Variants in ETV1 observed in about 807,000 individuals in gnomAD.
ETV1 encodes the protein ETS translocation variant 1.
ETV1 carries 27 observed loss-of-function variants against 62.3 expected under a neutral mutation model. The ratio of observed to expected loss-of-function variants is 0.43; its 90% CI spans 0.32 to 0.60. The LOEUF is 0.60. Ranked by LOEUF, ETV1 falls within the 20% of genes least tolerant of loss-of-function variation. ETV1 has a pLI of 0.06. For synonymous variants in ETV1, 222 were observed against 199.6 expected (o/e 1.11, Z -0.94); for missense variants, 605 against 605.8 (o/e 1.00, Z 0.01).
Position 13,893,733 on chromosome 7 carries a change from A to G in ETV1, c.*2133T>C, listed in dbSNP as rs771530691. On this transcript the variant is annotated 3_prime_UTR_variant, in exon 14 of 14. Transcript: ENST00000430479. ...CCTTCAATTTCACCAAATCTCAATT[A>G]TATATCTCAATTCCTTTTTCCAATA... is the stretch of plus-strand genomic sequence containing the variant. 8.6e-6 allele frequency: 2 copies of G among 232,834 alleles called. No individual in the cohort carries two copies. Among genetic ancestry groups the G allele is most frequent in the Admixed American group, 5.6e-5 (1 of 17,778 alleles). The allele number at this position is 232,834 out of a possible 1,614,324, so 14.4% of individuals were successfully genotyped here.
At chr7:13,988,920 C>G in intron 3 of ETV1, 88 bp downstream of exon 3, 1 of 1,481,248 alleles carries the variant, frequency 6.8e-7, no homozygotes, top group South Asian at 1.2e-5. Context: ...ATCCCAACCC[C>G]CGTGCCCCCT....
chr7:13,988,096 A>T lies in ETV1; in HGVS notation c.123T>A (p.His41Gln), dbSNP rs1334696169. The change falls in exon 4 of 14, where the codon CAT (histidine) becomes CAA (glutamine). Residue 41 changes from histidine (H) to glutamine (Q), a missense_variant. This residue lies in a region of ETV1 where 426 missense variants were observed against 377.8 expected (regional missense o/e 1.13). Transcript: ENST00000430479. ...KRKFINRDLA[H>Q]DSEELFQDLS... is the part of the protein sequence containing the mutation. ...AAAATCAAACCTCACCTTCTGAATCATGAGCCAGATCTCTGTTAATGAATT... is the reference window on the plus strand; with the variant it reads ...AAAATCAAACCTCACCTTCTGAATCTTGAGCCAGATCTCTGTTAATGAATT... The T allele has an allele frequency of 6.2e-7, 1 of 1,609,562 alleles. No individual in the cohort carries two copies. Among genetic ancestry groups the T allele is most frequent in the African/African-American group, 1.3e-5 (1 of 74,834 alleles).
At chr7:13,958,812 T>A (rs1789804674) in intron 6 of ETV1, 1 of 152,214 alleles carries the variant, frequency 6.6e-6, no homozygotes, top group Non-Finnish European at 1.5e-5. Flanking sequence ...TTATGAAGAT[T>A]GGCTGCATTA....
rs533234482 is a variant in ETV1 at position 13,943,108 on chromosome 7, A to G, written c.236-3862T>C. Among the ~76,000 whole-genome samples, 6 of 152,344 alleles carry G rather than the reference A, an allele frequency of 3.9e-5. No individual in the cohort carries two copies. In the East Asian group the frequency reaches 1.2e-3, roughly 29 times the overall value. The stretch of plus-strand genomic sequence containing the variant: ...GAAGAACTCATTTAACAAAATAAGA[A>G]TTGCAAAATATCAGTAAGACAAGAC... On this transcript the variant is annotated intron_variant, in intron 6 of 13. Coordinates refer to ENST00000430479, the MANE Select transcript of ETV1 (RefSeq NM_004956.5).
At chr7:13,962,248 G>A (rs78662154) in intron 6 of ETV1, among the ~76,000 whole-genome samples, 1,586 of 151,428 alleles carry the variant, frequency 0.01, 36 homozygotes, top group African/African-American at 0.037. Context: ...CACCCTAGGG[G>A]AGATAATATT....
At chr7:13,953,812 C>G (rs996062995) in intron 6 of ETV1, among the ~76,000 whole-genome samples, 1 of 152,038 alleles carries the variant, frequency 6.6e-6, no homozygotes, top group Non-Finnish European at 1.5e-5. Context: ...TAGTTTAGAA[C>G]AAAGTGGTAA....
chr7:13,970,236 G>A (rs1780738431), intron 6 of ETV1, among the ~76,000 whole-genome samples: 1 of 149,944 alleles, frequency 6.7e-6, no homozygotes, highest in Non-Finnish European at 1.5e-5. Context: ...ACTCCAGCCT[G>A]GGCGACAGAG....
At position 13,977,315 on chromosome 7, in the gene ETV1, G is replaced by A. The variant is rs1392213999; in HGVS notation, c.235+112C>T. On this transcript the variant is annotated intron_variant, in intron 6 of 13. Coordinates refer to ENST00000430479, the MANE Select transcript of ETV1 (RefSeq NM_004956.5). ...TCTTATGGCTGTAAGTTAAAAAGGT[G>A]CTGGTACAATGTAAGACAAGACACT... The A allele has an allele frequency of 1.2e-5, 8 of 651,770 alleles. No homozygotes were observed. In the Admixed American group the frequency reaches 1.2e-4, roughly 10 times the overall value. The allele number at this position is 651,770 out of a possible 1,614,324, so 40.4% of individuals were successfully genotyped here.
intron 6 of ETV1, among the ~76,000 whole-genome samples, chr7:13,947,889 A>G (rs933096519): frequency 6.6e-6 from 1 of 152,206 alleles, no homozygotes; most frequent in African/African-American, 2.4e-5. Flanking sequence ...TGGAAGTCCA[A>G]TTAGAGCTTT....
intron 9 of ETV1, among the ~76,000 whole-genome samples, chr7:13,922,762 T>G (rs1784994967): frequency 6.6e-6 from 1 of 152,204 alleles, no homozygotes; most frequent in Non-Finnish European, 1.5e-5. Context: ...CCATCTGACT[T>G]TAATTAGTGT....
At chr7:13,905,527 C>G (rs1164773076) in intron 12 of ETV1, among the ~76,000 whole-genome samples, 2 of 152,042 alleles carry the variant, frequency 1.3e-5, no homozygotes, top group African/African-American at 4.8e-5. Context: ...ATCAGCAGTC[C>G]AAAATGCTAT....
At position 13,930,606 on chromosome 7, in the gene ETV1, C is replaced by G. The variant is rs186995772; in HGVS notation, c.802+896G>C. On this transcript the variant is annotated intron_variant, in intron 9 of 13. Transcript: ENST00000430479. ...AAAGTGCTGGGATTACAGGCGTGAG[C>G]CACCAGACTGGAAAAGATTTTAAAC... Among the ~76,000 whole-genome samples, 72 of 152,138 alleles carry G rather than the reference C, an allele frequency of 4.7e-4. No individual in the cohort carries two copies. The South Asian group carries it at 7.7e-3, about 16-fold the overall frequency.
chr7:13,953,087 T>G (rs896296605), intron 6 of ETV1, among the ~76,000 whole-genome samples: 2 of 152,228 alleles, frequency 1.3e-5, no homozygotes, highest in South Asian at 2.1e-4. Context: ...CTACCCCTAC[T>G]GGTCCAGTAG....
chr7:13,957,235 G>A (rs558749267), intron 6 of ETV1, among the ~76,000 whole-genome samples: 3 of 152,108 alleles, frequency 2.0e-5, no homozygotes, highest in South Asian at 4.2e-4. Flanking sequence ...ACAGGCGGCC[G>A]CCACCATGCC....
At chr7:13,911,393 A>T in intron 9 of ETV1, 86 bp from the exon 10 acceptor site, 1 of 834,346 alleles carries the variant, frequency 1.2e-6, no homozygotes, top group Non-Finnish European at 2.0e-6. Flanking sequence ...CAGAGAAGAT[A>T]CAGAAACGGA....
intron 4 of ETV1, 62 bp downstream of exon 4, chr7:13,988,024 C>CT: frequency 1.1e-6 from 1 of 910,818 alleles, no homozygotes; most frequent in South Asian, 1.3e-5. Flanking sequence ...TGCTCCTTTT[C>CT]TTTTAGCAGG....
chr7:13,955,715 T>A (rs777270572), intron 6 of ETV1, among the ~76,000 whole-genome samples: 7 of 152,208 alleles, frequency 4.6e-5, no homozygotes, highest in Non-Finnish European at 7.3e-5. Context: ...GATCAGTGAA[T>A]GCACAGATCA....
chr7:13,959,123 C>T (rs943153127), intron 6 of ETV1: 11 of 150,126 alleles, frequency 7.3e-5, no homozygotes, highest in East Asian at 3.9e-4. Flanking sequence ...TTTTTTTAAT[C>T]GTTAATACAA....
In ETV1 at chr7:13,906,364, C is replaced by G. The variant is rs551638033; in HGVS notation, c.1110+66G>C. On this transcript the variant is annotated intron_variant, in intron 12 of 13. Coordinates refer to ENST00000430479, the MANE Select transcript of ETV1 (RefSeq NM_004956.5). Reference sequence around the variant, plus strand: ...AAGAATACATTTTTGGTATATTAATCAAATGTGTCAGTTTCTTTATGTTAT... The same window carrying G: ...AAGAATACATTTTTGGTATATTAATGAAATGTGTCAGTTTCTTTATGTTAT... 11 of 1,088,700 alleles carry G rather than the reference C, an allele frequency of 1.0e-5. No individual in the cohort carries two copies. In the Admixed American group the frequency reaches 1.4e-4, roughly 14 times the overall value. 67.4% of individuals were successfully genotyped at this position (1,088,700 alleles called of 1,614,324 possible).
Sources: gnomAD v4.1 joint callset for allele counts (sites outside exome capture counted in the v4.1 genomes callset) on GRCh38, gnomAD v4.1.1 for gene constraint, gnomAD v4.1.1 regional missense constraint, MANE v1.5 for transcripts, NCBI Gene and HGNC (gene_info 2026-07-23, HGNC 2026-07-21) for gene names.